HOOK1: variants seen among roughly 807,000 people sequenced by gnomAD.
HOOK1 encodes the protein hook microtubule tethering protein 1.
In HOOK1, 60 loss-of-function variants were observed where a neutral mutation model predicts 112.8. That is an observed-to-expected ratio of 0.53 (90% CI 0.43 to 0.66). The LOEUF (loss-of-function observed/expected upper bound fraction) is 0.66. Ranked by LOEUF, HOOK1 falls within the 30% of genes least tolerant of loss-of-function variation. The pLI, the probability that HOOK1 is intolerant of heterozygous loss-of-function variation, is 0.00. For missense variants in HOOK1, 770 were observed against 856.0 expected (o/e 0.90, Z 1.25); for synonymous variants, 294 against 283.8 (o/e 1.04, Z -0.36).
intron 12 of HOOK1, 69 bp from the exon 13 acceptor site, chr1:59,858,359 T>C: frequency 1.0e-6 from 1 of 964,558 alleles, no homozygotes; most frequent in South Asian, 1.3e-5. Context: ...TTAAGATAAA[T>C]TGTAAGCATA....
chr1:59,840,757 C>T (rs1402536046), intron 8 of HOOK1, among the ~76,000 whole-genome samples: 1 of 152,034 alleles, frequency 6.6e-6, no homozygotes, highest in Non-Finnish European at 1.5e-5. Context: ...TGGTACCTGA[C>T]ACTTCCCCCC....
At chr1:59,872,702 T>G in intron 21 of HOOK1, 93 bp from the exon 22 acceptor site, 1 of 737,574 alleles carries the variant, frequency 1.4e-6, no homozygotes, top group Non-Finnish European at 1.9e-6. Context: ...GCTTTATAGG[T>G]TGGTTTTAAG....
At chr1:59,840,062 C>T (rs2098400200) in intron 7 of HOOK1, among the ~76,000 whole-genome samples, 2 of 152,106 alleles carry the variant, frequency 1.3e-5, no homozygotes, top group Admixed American at 1.3e-4. Flanking sequence ...GGTGGATAAG[C>T]TTTTTGAGTG....
At chr1:59,831,358 C>T (rs931025658) in intron 3 of HOOK1, among the ~76,000 whole-genome samples, 1 of 152,088 alleles carries the variant, frequency 6.6e-6, no homozygotes, top group African/African-American at 2.4e-5. Flanking sequence ...ATGTTTTGTG[C>T]GTGTAGCATG....
chr1:59,844,806 G>T lies in HOOK1; in HGVS notation c.788+1208G>T, dbSNP rs143798862. On this transcript the variant is annotated intron_variant, in intron 9 of 21. Coordinates refer to ENST00000371208, the MANE Select transcript of HOOK1 (RefSeq NM_015888.6). ...TGTTAATTTTTTACCCAAGTATTTTGTTTTTGATGCTATTGTAAATGCAAA... is the reference window on the plus strand; with the variant it reads ...TGTTAATTTTTTACCCAAGTATTTTTTTTTTGATGCTATTGTAAATGCAAA... Among the ~76,000 whole-genome samples the T allele has an allele frequency of 2.6e-3, 387 of 151,742 alleles. 1 individual carries two copies. The highest frequency in any genetic ancestry group is 8.9e-3 in the African/African-American group (366 of 41,320).
intron 7 of HOOK1, among the ~76,000 whole-genome samples, chr1:59,838,309 C>A (rs888916269): frequency 3.3e-5 from 5 of 152,186 alleles, no homozygotes; most frequent in East Asian, 1.9e-4. Flanking sequence ...ATGCTCCCAA[C>A]AACAGTGTAA....
At chr1:59,847,903 G>A (rs895695833) in intron 10 of HOOK1, among the ~76,000 whole-genome samples, 3 of 151,624 alleles carry the variant, frequency 2.0e-5, no homozygotes, top group African/African-American at 4.8e-5. Context: ...TTTAATCAAC[G>A]TCCTAAATAC....
At chr1:59,868,860 A>G (rs1013283597) in intron 20 of HOOK1, among the ~76,000 whole-genome samples, 2 of 152,218 alleles carry the variant, frequency 1.3e-5, no homozygotes, top group African/African-American at 2.4e-5. Flanking sequence ...TTAGTTATTA[A>G]TCATGCAAAA....
At chr1:59,853,967 G>A (rs2098408633) in intron 12 of HOOK1, among the ~76,000 whole-genome samples, 1 of 110,024 alleles carries the variant, frequency 9.1e-6, no homozygotes, top group African/African-American at 3.5e-5. Context: ...AAATCAAATT[G>A]TAGACTAAAA....
Position 59,836,938 on chromosome 1 carries a change from G to T in HOOK1, c.537+3G>T. 2.5e-6 allele frequency: 4 copies of T among 1,581,726 alleles called. No individual in the cohort carries two copies. Among genetic ancestry groups the T allele is most frequent in the Non-Finnish European group, 2.6e-6 (3 of 1,154,922 alleles). ...CTGTTGGAGAATTGGAGCAACAGGTGAGTATTTTAGTATGGAAGAAAAATG... is the reference window on the plus strand; with the variant it reads ...CTGTTGGAGAATTGGAGCAACAGGTTAGTATTTTAGTATGGAAGAAAAATG... On this transcript the variant is annotated splice_donor_region_variant and intron_variant, in intron 7 of 21. Transcript: ENST00000371208.
chr1:59,829,001 A>AATTATAATT, intron 3 of HOOK1, 149 bp downstream of exon 3: 1 of 608,684 alleles, frequency 1.6e-6, no homozygotes, highest in Non-Finnish European at 2.9e-6. Flanking sequence ...TCATGTAACT[A>AATTATAATT]CCATCATAAT....
In HOOK1 at chr1:59,862,834, A is replaced by T. The variant is rs1168736284; in HGVS notation, c.1583A>T (p.Gln528Leu). Reference sequence around the variant, plus strand: ...TTGCAGCAGCAGATTGAGGACCTCCAGAAATCTTTACAGGAACAAGGTTCC... The same window carrying T: ...TTGCAGCAGCAGATTGAGGACCTCCTGAAATCTTTACAGGAACAAGGTTCC... ...RELQQQIEDL[Q>L]KSLQEQGSKS... is the part of the protein sequence containing the mutation. The change falls in exon 16 of 22, where the codon CAG becomes CTG. Residue 528 changes from glutamine (Q) to leucine (L), a missense_variant. Coordinates refer to ENST00000371208, the MANE Select transcript of HOOK1 (RefSeq NM_015888.6). 1 of 1,612,430 alleles carries T rather than the reference A, an allele frequency of 6.2e-7. No individual in the cohort carries two copies. Among genetic ancestry groups the T allele is most frequent in the Non-Finnish European group, 8.5e-7 (1 of 1,178,540 alleles).
At chr1:59,840,523 T>G (rs1472648857) in intron 8 of HOOK1, 132 bp downstream of exon 8, 2 of 434,576 alleles carry the variant, frequency 4.6e-6, no homozygotes, top group African/African-American at 4.1e-5. Context: ...TAAAAGGATT[T>G]CTTATAGGCT....
chr1:59,815,265 G>C, intron 1 of HOOK1, 85 bp downstream of exon 1: 1 of 1,313,704 alleles, frequency 7.6e-7, no homozygotes, highest in Non-Finnish European at 1.0e-6. Context: ...GGTGAGCTGG[G>C]GCTACCTGCA....
At chr1:59,833,278 A>T in intron 4 of HOOK1, 127 bp from the exon 5 acceptor site, 1 of 740,866 alleles carries the variant, frequency 1.3e-6, no homozygotes, top group Non-Finnish European at 1.9e-6. Context: ...ATAATTATTT[A>T]TTTGTCATTT....
intron 1 of HOOK1, among the ~76,000 whole-genome samples, chr1:59,818,051 G>T (rs2098382885): frequency 6.6e-6 from 1 of 152,166 alleles, no homozygotes; most frequent in South Asian, 2.1e-4. Flanking sequence ...AAATACTTGG[G>T]AGTGAATTTT....
intron 1 of HOOK1, among the ~76,000 whole-genome samples, chr1:59,819,320 T>C (rs1054742156): frequency 6.6e-6 from 1 of 151,848 alleles, no homozygotes; most frequent in Non-Finnish European, 1.5e-5. Context: ...CGGCTAATTT[T>C]TGTATTTTTA....
At position 59,865,234 on chromosome 1, in the gene HOOK1, T is replaced by C. The variant is rs1643941376; in HGVS notation, c.1733T>C (p.Ile578Thr). The change falls in exon 18 of 22, where the codon ATA (isoleucine) becomes ACA (threonine). Residue 578 changes from isoleucine (I) to threonine (T), a missense_variant. By Grantham distance (89) the Ile-to-Thr change is moderately conservative. Transcript: ENST00000371208. ...QELIEDLQPDINQNVQKINEL... is the reference protein window; with the variant it reads ...QELIEDLQPDTNQNVQKINEL... Reference sequence around the variant, plus strand: ...CTCATTGAAGATCTTCAGCCAGATATAAATCAAAATGGTAGGTATCTGTGA... The same window carrying C: ...CTCATTGAAGATCTTCAGCCAGATACAAATCAAAATGGTAGGTATCTGTGA... The C allele has an allele frequency of 1.9e-6, 3 of 1,590,854 alleles. No individual in the cohort carries two copies. The highest frequency in any genetic ancestry group is 2.2e-5 in the East Asian group (1 of 44,760).
Position 59,815,157 on chromosome 1 carries a change from C to G in HOOK1, c.40C>G (p.Leu14Val), listed in dbSNP as rs1365729150. The G allele has an allele frequency of 6.5e-7, 1 of 1,543,892 alleles. No individual in the cohort carries two copies. Among genetic ancestry groups the G allele is most frequent in the Non-Finnish European group, 8.7e-7 (1 of 1,146,578 alleles). ...GCCGCCGCCGCAGCCTAAGCTGCCC[C>G]TGTGCGACAGCCTCATGATCTGGGT... ...TQPPPQPKLPLCDSLMIWLQT... is the reference protein window; with the variant it reads ...TQPPPQPKLPVCDSLMIWLQT... Residue 14 changes from leucine to valine, a missense_variant, in exon 1 of 22, where the codon CTG becomes GTG. Physicochemically the swap from Leu to Val is conservative, Grantham distance 32. Coordinates refer to ENST00000371208, the MANE Select transcript of HOOK1 (RefSeq NM_015888.6).
Sources: allele counts gnomAD v4.1 joint callset (sites outside exome capture counted in the v4.1 genomes callset), GRCh38; gene constraint gnomAD v4.1.1; transcripts MANE v1.5; gene names NCBI Gene and HGNC (gene_info 2026-07-23, HGNC 2026-07-21).